Variants in GRIK2 observed in about 807,000 individuals in gnomAD.
GRIK2 encodes the protein glutamate receptor ionotropic, kainate 2.
Under a neutral mutation model 100.3 loss-of-function variants are expected in GRIK2, and 32 were observed. That is an observed-to-expected ratio of 0.32 (90% CI 0.24 to 0.43). The LOEUF (loss-of-function observed/expected upper bound fraction) is 0.43, where lower values mean the gene tolerates loss of function less well. Ranked by LOEUF, GRIK2 falls within the 20% of genes least tolerant of loss-of-function variation. The pLI is 1.00. For synonymous variants in GRIK2, 417 were observed against 389.4 expected, an observed-to-expected ratio of 1.07 and a Z score of -0.83; for missense variants, 843 against 1,114.9, an observed-to-expected ratio of 0.76 and a Z score of 3.47.
At chr6:101,903,174 AC>A (rs747073251) in intron 12 of GRIK2, among the ~76,000 whole-genome samples, 4 of 151,982 alleles carry the variant, frequency 2.6e-5, no homozygotes, top group East Asian at 1.9e-4. Flanking sequence ...TATCTTATTA[AC>A]TAGAATTATT....
intron 12 of GRIK2, among the ~76,000 whole-genome samples, chr6:101,913,079 C>G (rs1230921252): frequency 6.6e-6 from 1 of 151,432 alleles, no homozygotes; most frequent in South Asian, 2.1e-4. Context: ...TAAATCTGCT[C>G]AAGAAGTAGA....
rs138989575 is a variant in GRIK2 at position 101,954,767 on chromosome 6, G to A, written c.2085+26135G>A. On this transcript the variant is annotated intron_variant, in intron 14 of 16. Coordinates refer to ENST00000369134, the MANE Select transcript of GRIK2 (RefSeq NM_021956.5). ...AATGTTGAATGTAAATGAGAAAGGT[G>A]TACACTGTTATCTTGCTCCTAATAT... Among the ~76,000 whole-genome samples, 6 of 152,190 alleles carry A rather than the reference G, an allele frequency of 3.9e-5. No homozygotes were observed. In the East Asian group the frequency reaches 1.2e-3, roughly 29 times the overall value.
At chr6:101,768,196 CA>C (rs746817182) in intron 7 of GRIK2, among the ~76,000 whole-genome samples, 3 of 152,104 alleles carry the variant, frequency 2.0e-5, no homozygotes, top group Admixed American at 1.3e-4. Context: ...TATAGAAACA[CA>C]ACATAAATTG....
At chr6:101,462,097 A>G (rs1771340663) in intron 2 of GRIK2, among the ~76,000 whole-genome samples, 1 of 152,186 alleles carries the variant, frequency 6.6e-6, no homozygotes. Flanking sequence ...AGAGACACTA[A>G]TATACCTCTT....
At chr6:101,790,106 G>A (rs549094552) in intron 7 of GRIK2, among the ~76,000 whole-genome samples, 2 of 152,278 alleles carry the variant, frequency 1.3e-5, no homozygotes, top group East Asian at 1.9e-4. Context: ...GAGATATCGG[G>A]CTGAGACAAT....
rs1167356638 is a variant in GRIK2 at position 102,035,475 on chromosome 6, A to C, written c.2220A>C (p.Thr740=). 11 of 1,609,650 alleles carry C rather than the reference A, an allele frequency of 6.8e-6. No individual in the cohort carries two copies. Among genetic ancestry groups the C allele is most frequent in the Non-Finnish European group, 9.3e-6 (11 of 1,176,930 alleles). The change falls in exon 15 of 17, where the codon ACA becomes ACC. Residue 740 remains threonine (T), a synonymous_variant. Coordinates refer to ENST00000369134, the MANE Select transcript of GRIK2 (RefSeq NM_021956.5). ...ATTATGCTTTCCTAATGGAGTCAACAACCATCGAGTTTGTTACCCAGCGGA... is the reference window on the plus strand; with the variant it reads ...ATTATGCTTTCCTAATGGAGTCAACCACCATCGAGTTTGTTACCCAGCGGA... ...TSDYAFLMES[T]TIEFVTQRNC... is the part of the protein sequence containing the mutation.
At chr6:101,534,800 A>C (rs190412927) in intron 2 of GRIK2, among the ~76,000 whole-genome samples, 1 of 151,976 alleles carries the variant, frequency 6.6e-6, no homozygotes, top group East Asian at 1.9e-4. Context: ...TTTTTCTCTG[A>C]CAGAGAATAA....
chr6:101,413,882 T>C (rs1276622174), intron 2 of GRIK2, among the ~76,000 whole-genome samples: 1 of 144,362 alleles, frequency 6.9e-6, no homozygotes, highest in Non-Finnish European at 1.5e-5. Flanking sequence ...TTGCTATTTG[T>C]TCAAGTCTTT....
At chr6:101,796,889 G>A (rs1780342440) in intron 7 of GRIK2, among the ~76,000 whole-genome samples, 1 of 151,952 alleles carries the variant, frequency 6.6e-6, no homozygotes, top group Non-Finnish European at 1.5e-5. Flanking sequence ...TTTTATAATT[G>A]TACTTAAAAT....
intron 2 of GRIK2, among the ~76,000 whole-genome samples, chr6:101,588,844 TA>T (rs916967663): frequency 2.6e-5 from 4 of 151,944 alleles, no homozygotes; most frequent in East Asian, 1.9e-4. Context: ...TGTATATATT[TA>T]AAAAAAGATC....
intron 14 of GRIK2, among the ~76,000 whole-genome samples, chr6:102,017,536 T>C (rs1012940744): frequency 1.3e-5 from 2 of 152,176 alleles, no homozygotes; most frequent in Non-Finnish European, 2.9e-5. Flanking sequence ...TTGTGTTCTC[T>C]GTACTTTCTG....
chr6:101,671,377 C>T (rs962127331), intron 4 of GRIK2, among the ~76,000 whole-genome samples: 5 of 118,602 alleles, frequency 4.2e-5, no homozygotes, highest in Non-Finnish European at 7.8e-5. Flanking sequence ...TGATAAGTAC[C>T]TAGATGTTCC....
intron 2 of GRIK2, among the ~76,000 whole-genome samples, chr6:101,575,508 A>T (rs138296820): frequency 1.7e-4 from 26 of 152,020 alleles, no homozygotes; most frequent in African/African-American, 6.3e-4. Context: ...ACATTAGTAA[A>T]TATAACTGTT....
At chr6:101,650,320 G>C (rs915300221) in intron 4 of GRIK2, among the ~76,000 whole-genome samples, 13 of 152,090 alleles carry the variant, frequency 8.5e-5, no homozygotes, top group Non-Finnish European at 2.9e-5. Flanking sequence ...CTGACCACTT[G>C]GTTTCTGAAG....
intron 10 of GRIK2, among the ~76,000 whole-genome samples, chr6:101,820,504 C>T (rs1273911575): frequency 6.6e-6 from 1 of 152,116 alleles, no homozygotes; most frequent in African/African-American, 2.4e-5. Context: ...GGAGTGCAGA[C>T]TCATGATCTC....
intron 2 of GRIK2, among the ~76,000 whole-genome samples, chr6:101,566,690 A>T (rs1321705629): frequency 6.6e-6 from 1 of 151,324 alleles, no homozygotes; most frequent in Non-Finnish European, 1.5e-5. Context: ...TTTATCAGTT[A>T]TTAGCCATTT....
At chr6:101,764,450 TGAGA>T (rs144599253) in intron 7 of GRIK2, among the ~76,000 whole-genome samples, 4 of 151,698 alleles carry the variant, frequency 2.6e-5, no homozygotes, top group Non-Finnish European at 5.9e-5. Context: ...TGTGTATGTG[TGAGA>T]GAGAGAGAGA....
intron 12 of GRIK2, among the ~76,000 whole-genome samples, chr6:101,894,333 C>T (rs988856862): frequency 6.6e-6 from 1 of 151,560 alleles, no homozygotes; most frequent in African/African-American, 2.4e-5. Context: ...TTATGATCTC[C>T]TGTAAGCAGT....
chr6:101,980,295 C>A (rs1226210143), intron 14 of GRIK2, among the ~76,000 whole-genome samples: 1 of 151,950 alleles, frequency 6.6e-6, no homozygotes, highest in Non-Finnish European at 1.5e-5. Flanking sequence ...GAATGTTTTA[C>A]CATTTTACTT....
Sources: allele counts gnomAD v4.1 joint callset (sites outside exome capture counted in the v4.1 genomes callset), GRCh38; gene constraint gnomAD v4.1.1; transcripts MANE v1.5; gene names NCBI Gene and HGNC (gene_info 2026-07-23, HGNC 2026-07-21).